The following TLR1 variants were observed in gnomAD, a reference collection of about 807,000 sequenced individuals.
TLR1 encodes toll-like receptor 1.
In TLR1, 19 loss-of-function variants were observed where a neutral mutation model predicts 20.2. The observed-to-expected ratio is 0.94, with a 90% CI of 0.66 to 1.38. The LOEUF (loss-of-function observed/expected upper bound fraction) is 1.38. Ranked by LOEUF, TLR1 falls within the 40% of genes most tolerant of loss-of-function variation. The probability of loss-of-function intolerance (pLI) is 0.00; values close to 1 mark genes in which losing one functional copy is unlikely to be tolerated. For synonymous variants in TLR1, 320 were observed against 334.5 expected, an observed-to-expected ratio of 0.96 and a Z score of 0.47; for missense variants, 921 against 910.0, an observed-to-expected ratio of 1.01 and a Z score of -0.16.
chr4:38,800,449 T>C (rs955168315), intron 3 of TLR1: 2 of 152,210 alleles, frequency 1.3e-5, no homozygotes, highest in Admixed American at 6.5e-5. Context: ...TTATTCTCCA[T>C]GCAGTGGTAG....
At position 38,797,967 on chromosome 4, in the gene TLR1, A is replaced by G. The variant is rs543175496; in HGVS notation, c.865T>C (p.Phe289Leu). ...SNVKLQGQLD[F>L]RDFDYSGTSL... ...GTGCCAGAATAATCAAAATCTCTGA[A>G]GTCCAGCTGACCCTGTAGCTTCACG... Residue 289 changes from phenylalanine to leucine, a missense_variant, in exon 4 of 4, where the codon TTC becomes CTC. Coordinates refer to ENST00000308979, the MANE Select transcript of TLR1 (RefSeq NM_003263.4). 2 of 1,614,182 alleles carry G rather than the reference A, an allele frequency of 1.2e-6. No individual in the cohort carries two copies. Among genetic ancestry groups the G allele is most frequent in the South Asian group, 2.2e-5 (2 of 91,086 alleles).
In TLR1 at chr4:38,798,568, A is replaced by C; in HGVS notation, c.264T>G (p.Val88=). The change falls in exon 4 of 4, where the codon GTT becomes GTG. Residue 88 remains valine, a synonymous_variant. Coordinates refer to ENST00000308979, the MANE Select transcript of TLR1 (RefSeq NM_003263.4). ...ATTCCAATTCCTGGTTGAATTTGAA[A>C]ACACTGATATCAAGATACTGGATTC... ...HNRIQYLDIS[V]FKFNQELEYL... 6.2e-7 allele frequency: 1 copy of C among 1,614,188 alleles called. No homozygotes were observed. The highest frequency in any genetic ancestry group is 8.5e-7 in the Non-Finnish European group (1 of 1,180,020).
At chr4:38,788,468 G>A (rs1031931373), downstream of TLR1, among the ~76,000 whole-genome samples, 2 of 152,160 alleles carry the variant, frequency 1.3e-5, no homozygotes, top group African/African-American at 4.8e-5. Context: ...AGACATGTCA[G>A]CTTGAGGAAT....
chr4:38,791,596 A>C (rs1725724349), downstream of TLR1, among the ~76,000 whole-genome samples: 1 of 152,120 alleles, frequency 6.6e-6, no homozygotes, highest in Non-Finnish European at 1.5e-5. Context: ...GTTTTTCTGT[A>C]ACTTTTGTCT....
chr4:38,803,574 A>G (rs5743574), intron 2 of TLR1, among the ~76,000 whole-genome samples: 5,639 of 152,138 alleles, frequency 0.037, 218 homozygotes, highest in African/African-American at 0.092. Context: ...TATTTCTATA[A>G]TTAAGAAATC....
At chr4:38,803,464 C>G (rs967635405) in intron 2 of TLR1, among the ~76,000 whole-genome samples, 1 of 152,242 alleles carries the variant, frequency 6.6e-6, no homozygotes, top group African/African-American at 2.4e-5. Context: ...TTATGTCGAG[C>G]TAAATTAATT....
intron 3 of TLR1, among the ~76,000 whole-genome samples, chr4:38,800,100 G>C (rs1579211209): frequency 6.6e-6 from 1 of 152,154 alleles, no homozygotes; most frequent in African/African-American, 2.4e-5. Context: ...GATGACACTA[G>C]AGTAGAAATC....
At chr4:38,803,083 C>A (rs55776153) in intron 2 of TLR1, among the ~76,000 whole-genome samples, 14 of 152,168 alleles carry the variant, frequency 9.2e-5, no homozygotes, top group Non-Finnish European at 1.6e-4. Flanking sequence ...GAGAGCCGGA[C>A]GCACAGTTGT....
Position 38,798,416 on chromosome 4 carries a change from G to T in TLR1, c.416C>A (p.Ser139Tyr), listed in dbSNP as rs368672305. The change falls in exon 4 of 4, where the codon TCT becomes TAT. Residue 139 changes from serine to tyrosine, a missense_variant. Ser to Tyr is a moderately radical substitution (Grantham distance 144). Coordinates refer to ENST00000308979, the MANE Select transcript of TLR1 (RefSeq NM_003263.4). ...LPICKEFGNM[S>Y]QLKFLGLSTT... Reference sequence around the variant, plus strand: ...GCTCAACCCCAGAAATTTTAGTTGAGACATATTGCCAAACTCTTTGCATAT... The same window carrying T: ...GCTCAACCCCAGAAATTTTAGTTGATACATATTGCCAAACTCTTTGCATAT... 2.5e-6 allele frequency: 4 copies of T among 1,613,326 alleles called. No homozygotes were observed. In the African/African-American group the frequency reaches 5.3e-5, roughly 22 times the overall value.
downstream of TLR1, chr4:38,794,412 C>T (rs1725895448): frequency 6.6e-6 from 1 of 152,166 alleles, no homozygotes; most frequent in African/African-American, 2.4e-5. Flanking sequence ...GTTTGACTTT[C>T]AAGATCCTTG....
chr4:38,799,800 G>C (rs1207149292), intron 3 of TLR1, among the ~76,000 whole-genome samples: 1 of 152,098 alleles, frequency 6.6e-6, no homozygotes, highest in Non-Finnish European at 1.5e-5. Context: ...CTGATAAAAG[G>C]CCTCTCAGAA....
chr4:38,805,096 A>G (rs1328322665), upstream of TLR1: 1 of 152,290 alleles, frequency 6.6e-6, no homozygotes, highest in Non-Finnish European at 1.5e-5. Flanking sequence ...TAATTGGCTG[A>G]ATTCAAAATG....
chr4:38,796,668 C>A lies in TLR1; in HGVS notation c.2164G>T (p.Gly722Ter). ...AAGATCAGGATTAAGCTATTAGATC[C>A]TTCATGAAAGAGATTGTGATGGGCA... ...YFAHHNLFHE[G>*]SNSLILILLE... The change falls in exon 4 of 4, where the codon GGA becomes TGA. Residue 722 changes from glycine to a stop codon, truncating the protein, a stop_gained. Coordinates refer to ENST00000308979, the MANE Select transcript of TLR1 (RefSeq NM_003263.4). LOFTEE classifies it high-confidence loss of function. 1 of 1,614,142 alleles carries A rather than the reference C, an allele frequency of 6.2e-7. No individual in the cohort carries two copies. Among genetic ancestry groups the A allele is most frequent in the Non-Finnish European group, 8.5e-7 (1 of 1,180,026 alleles).
Position 38,796,462 on chromosome 4 carries a change from A to G in TLR1, c.*9T>C, listed in dbSNP as rs762515837. On this transcript the variant is annotated 3_prime_UTR_variant, in exon 4 of 4. Coordinates refer to ENST00000308979, the MANE Select transcript of TLR1 (RefSeq NM_003263.4). ...CAACAGGAGGAATATTTTTCACTTGATGTGTAATCTATTTCTTTGCTTGCT... is the reference window on the plus strand; with the variant it reads ...CAACAGGAGGAATATTTTTCACTTGGTGTGTAATCTATTTCTTTGCTTGCT... 1.3e-6 allele frequency: 2 copies of G among 1,597,628 alleles called. No homozygotes were observed. The highest frequency in any genetic ancestry group is 1.7e-6 in the Non-Finnish European group (2 of 1,168,720).
downstream of TLR1, among the ~76,000 whole-genome samples, chr4:38,789,264 G>C (rs912840317): frequency 6.6e-6 from 1 of 152,052 alleles, no homozygotes; most frequent in African/African-American, 2.4e-5. Flanking sequence ...CATAAAATTG[G>C]CAAACACTAT....
downstream of TLR1, among the ~76,000 whole-genome samples, chr4:38,793,157 G>C (rs1216922968): frequency 3.9e-5 from 6 of 152,056 alleles, no homozygotes; most frequent in Non-Finnish European, 1.5e-5. Flanking sequence ...CCTCAAGAAG[G>C]ATGGGTGGGG....
intron 3 of TLR1, chr4:38,800,468 C>T (rs1210352907): frequency 6.6e-6 from 1 of 152,146 alleles, no homozygotes; most frequent in South Asian, 2.1e-4. Context: ...AGGCACTGTT[C>T]TAGGTTATGC....
chr4:38,797,694 G>A lies in TLR1; in HGVS notation c.1138C>T (p.Gln380Ter), dbSNP rs200264939. 97 of 1,613,706 alleles carry A rather than the reference G, an allele frequency of 6.0e-5. No homozygotes were observed. Among genetic ancestry groups the A allele is most frequent in the Admixed American group, 1.0e-4 (6 of 59,942 alleles). ...HLTELETLIL[Q>*]MNQLKELSKI... is the part of the protein sequence containing the mutation. Reference sequence around the variant, plus strand: ...GAAAGTTCTTTTAATTGATTCATTTGTAAAATAAGTGTCTCCAACTCAGTA... The same window carrying A: ...GAAAGTTCTTTTAATTGATTCATTTATAAAATAAGTGTCTCCAACTCAGTA... The change falls in exon 4 of 4, where the codon CAA (glutamine) becomes TAA (stop). Residue 380 changes from glutamine (Q) to a stop codon, truncating the protein, a stop_gained. Transcript: ENST00000308979. LOFTEE classifies it high-confidence loss of function.
chr4:38,799,787 A>T (rs1374869589), intron 3 of TLR1, among the ~76,000 whole-genome samples: 1 of 152,212 alleles, frequency 6.6e-6, no homozygotes, highest in African/African-American at 2.4e-5. Flanking sequence ...AGGTAATTAG[A>T]TCCTGATAAA....
Sources: allele counts gnomAD v4.1 joint callset (sites outside exome capture counted in the v4.1 genomes callset), GRCh38; gene constraint gnomAD v4.1.1; transcripts MANE v1.5; gene names NCBI Gene and HGNC (gene_info 2026-07-23, HGNC 2026-07-21).